The following SH3BGRL2 variants were observed in gnomAD, a reference collection of about 807,000 sequenced individuals.
SH3BGRL2 encodes the protein SH3 domain binding glutamate rich protein like 2.
SH3BGRL2 carries 21 observed loss-of-function variants against 14.8 expected under a neutral mutation model. The observed-to-expected ratio is 1.42, with a 90% CI of 1.01 to 2.05. SH3BGRL2 has a LOEUF of 2.05. Ranked by LOEUF, SH3BGRL2 falls within the 30% of genes most tolerant of loss-of-function variation. The pLI, the probability that SH3BGRL2 is intolerant of heterozygous loss-of-function variation, is 0.00. For missense variants in SH3BGRL2, 147 were observed against 130.8 expected (o/e 1.12, Z -0.61); for synonymous variants, 50 against 47.8 (o/e 1.05, Z -0.19).
chr6:79,648,302 A>AAT (rs1172750755), intron 1 of SH3BGRL2, among the ~76,000 whole-genome samples: 4 of 105,600 alleles, frequency 3.8e-5, no homozygotes, highest in Admixed American at 1.1e-4. Context: ...TATTATATAT[A>AAT]ATATATATAT....
At chr6:79,576,160 A>G in the SH3BGRL2 span, among the ~76,000 whole-genome samples, 1 of 152,164 alleles carries the variant, frequency 6.6e-6, no homozygotes, top group African/African-American at 2.4e-5. Context: ...TTGTGATTAC[A>G]TATTTTTATT....
upstream of SH3BGRL2, chr6:79,631,301 T>G: frequency 1.8e-6 from 1 of 552,618 alleles, no homozygotes; most frequent in Non-Finnish European, 2.9e-6. Flanking sequence ...CGCTGGGCTT[T>G]TATCTGCGGA....
rs141214982 is a variant in SH3BGRL2 at position 79,640,996 on chromosome 6, C to A, written c.45+9490C>A. On this transcript the variant is annotated intron_variant, in intron 1 of 3. Transcript: ENST00000369838. ...CTACATACTGATCTAATATTAAAAACAAAACAAAGCAAAACAAAAAACCCA... is the reference window on the plus strand; with the variant it reads ...CTACATACTGATCTAATATTAAAAAAAAAACAAAGCAAAACAAAAAACCCA... Among the ~76,000 whole-genome samples, 243 of 152,222 alleles carry A rather than the reference C, an allele frequency of 1.6e-3. 1 individual carries two copies. The highest frequency in any genetic ancestry group is 5.7e-3 in the African/African-American group (237 of 41,534).
chr6:79,654,057 A>C (rs1769356779), intron 1 of SH3BGRL2, among the ~76,000 whole-genome samples: 1 of 152,206 alleles, frequency 6.6e-6, no homozygotes, highest in South Asian at 2.1e-4. Flanking sequence ...TGGATGCACA[A>C]GGTAGAGAAT....
chr6:79,686,541 T>G (rs900584484), intron 2 of SH3BGRL2, among the ~76,000 whole-genome samples: 3 of 152,182 alleles, frequency 2.0e-5, no homozygotes, highest in African/African-American at 4.8e-5. Flanking sequence ...ATTCTTTTTA[T>G]CTACTTTCTA....
intron 1 of SH3BGRL2, among the ~76,000 whole-genome samples, chr6:79,637,626 G>A (rs1768951492): frequency 6.6e-6 from 1 of 151,774 alleles, no homozygotes; most frequent in African/African-American, 2.4e-5. Context: ...CCAGGAAGTA[G>A]AGATTGCATG....
upstream of SH3BGRL2, among the ~76,000 whole-genome samples, chr6:79,629,163 C>T (rs1306257339): frequency 6.6e-6 from 1 of 152,226 alleles, no homozygotes; most frequent in Non-Finnish European, 1.5e-5. Flanking sequence ...ACAGTATTGT[C>T]AGGACTCTTT....
the SH3BGRL2 span, among the ~76,000 whole-genome samples, chr6:79,551,673 T>A: frequency 2.0e-5 from 3 of 152,134 alleles, no homozygotes; most frequent in Admixed American, 1.3e-4. Flanking sequence ...CAGGAGGAGC[T>A]ATGAATATTC....
At chr6:79,636,617 C>A (rs1391534058) in intron 1 of SH3BGRL2, among the ~76,000 whole-genome samples, 1 of 152,166 alleles carries the variant, frequency 6.6e-6, no homozygotes, top group Non-Finnish European at 1.5e-5. Context: ...TTTGTCTCAA[C>A]ATTCTGGAAG....
chr6:79,660,937 A>G (rs1450337628), intron 1 of SH3BGRL2, among the ~76,000 whole-genome samples: 1 of 152,116 alleles, frequency 6.6e-6, no homozygotes, highest in African/African-American at 2.4e-5. Context: ...AGAGGTGTTT[A>G]TAGTATTCTC....
the SH3BGRL2 span, among the ~76,000 whole-genome samples, chr6:79,541,893 T>A: frequency 2.0e-5 from 3 of 152,364 alleles, no homozygotes; most frequent in African/African-American, 7.2e-5. Context: ...GAAAAACTCT[T>A]GTAATTACAA....
chr6:79,567,155 T>C, the SH3BGRL2 span, among the ~76,000 whole-genome samples: 3 of 152,132 alleles, frequency 2.0e-5, no homozygotes, highest in Non-Finnish European at 4.4e-5. Context: ...CATTCCTTAA[T>C]CTCTCCACAC....
rs1038491057 is a variant in SH3BGRL2, at chr6:79,702,430, A to G, written c.*2921A>G. 3 of 152,624 alleles carry G rather than the reference A, an allele frequency of 2.0e-5. No homozygotes were observed. Among genetic ancestry groups the G allele is most frequent in the African/African-American group, 7.2e-5 (3 of 41,450 alleles). The allele number at this position is 152,624 out of a possible 1,614,324, so 9.5% of individuals were successfully genotyped here. The stretch of plus-strand genomic sequence containing the variant: ...TTATTGTTTTCAGATTTCAACTTGT[A>G]TGTGTTTGTCTCTTAAAGCATTGGT... On this transcript the variant is annotated 3_prime_UTR_variant, in exon 4 of 4. Coordinates refer to ENST00000369838, the MANE Select transcript of SH3BGRL2 (RefSeq NM_031469.4).
At chr6:79,632,692 C>A (rs1378989176) in intron 1 of SH3BGRL2, among the ~76,000 whole-genome samples, 1 of 152,180 alleles carries the variant, frequency 6.6e-6, no homozygotes, top group Non-Finnish European at 1.5e-5. Flanking sequence ...TGGGAAAATC[C>A]AACTTACACT....
chr6:79,582,123 A>G, the SH3BGRL2 span, among the ~76,000 whole-genome samples: 4 of 152,190 alleles, frequency 2.6e-5, no homozygotes, highest in African/African-American at 9.6e-5. Flanking sequence ...CCTCTGCTCC[A>G]TGAAATAAAA....
chr6:79,670,158 C>T (rs1769744544), intron 1 of SH3BGRL2, among the ~76,000 whole-genome samples: 1 of 152,208 alleles, frequency 6.6e-6, no homozygotes, highest in Non-Finnish European at 1.5e-5. Flanking sequence ...ATAACTTTTA[C>T]ATGTCATGGA....
chr6:79,604,648 T>A, the SH3BGRL2 span, among the ~76,000 whole-genome samples: 1 of 152,206 alleles, frequency 6.6e-6, no homozygotes, highest in African/African-American at 2.4e-5. Context: ...TATAATCATT[T>A]GTCTGCAGAA....
At chr6:79,549,756 A>C in the SH3BGRL2 span, among the ~76,000 whole-genome samples, 1 of 152,356 alleles carries the variant, frequency 6.6e-6, no homozygotes, top group East Asian at 1.9e-4. Context: ...CAGTGAGTTA[A>C]TAGATACTGT....
the SH3BGRL2 span, among the ~76,000 whole-genome samples, chr6:79,569,680 G>A: frequency 4.6e-5 from 7 of 152,072 alleles, no homozygotes; most frequent in Non-Finnish European, 8.8e-5. Context: ...CTTTTTTCAG[G>A]TTAACTTTGG....
Sources: gnomAD v4.1 joint callset for allele counts (sites outside exome capture counted in the v4.1 genomes callset) on GRCh38, gnomAD v4.1.1 for gene constraint, MANE v1.5 for transcripts, NCBI Gene and HGNC (gene_info 2026-07-23, HGNC 2026-07-21) for gene names.